The following LRRC56 variants were observed in gnomAD, a reference collection of about 807,000 sequenced individuals.
LRRC56 encodes the protein leucine-rich repeat-containing protein 56.
In LRRC56, 41 loss-of-function variants were observed where a neutral mutation model predicts 47.8. The observed-to-expected ratio is 0.86, with a 90% CI of 0.67 to 1.11. The LOEUF is 1.11. Ranked by LOEUF, LRRC56 falls within the 50% of genes most tolerant of loss-of-function variation. The probability of loss-of-function intolerance (pLI) is 0.00; values close to 1 mark genes in which losing one functional copy is unlikely to be tolerated. For missense variants in LRRC56, 759 were observed against 704.2 expected (o/e 1.08, Z -0.88); for synonymous variants, 387 against 311.2 (o/e 1.24, Z -2.56).
chr11:512,727 C>G, the LRRC56 span, among the ~76,000 whole-genome samples: 6 of 152,178 alleles, frequency 3.9e-5, no homozygotes, highest in Non-Finnish European at 8.8e-5. Context: ...ACTTCCTTTT[C>G]TCAATACTAT....
At chr11:515,033 A>C in the LRRC56 span, among the ~76,000 whole-genome samples, 35 of 152,200 alleles carry the variant, frequency 2.3e-4, no homozygotes, top group African/African-American at 8.4e-4. Context: ...AAAGACTTGA[A>C]AGGGCCACCA....
At position 541,654 on chromosome 11, in the gene LRRC56, C is replaced by T. The variant is rs759516015; in HGVS notation, c.265+30C>T. 1.4e-5 allele frequency: 19 copies of T among 1,315,392 alleles called. No homozygotes were observed. Among genetic ancestry groups the T allele is most frequent in the South Asian group, 4.1e-5 (3 of 73,776 alleles). 81.5% of individuals were successfully genotyped at this position (1,315,392 alleles called of 1,614,324 possible). On this transcript the variant is annotated intron_variant, in intron 5 of 13. Coordinates refer to ENST00000270115, the MANE Select transcript of LRRC56 (RefSeq NM_198075.4). This position sits in a 1 kb window ranked among gnomAD's most constrained non-coding sequence, Gnocchi z 4.1. ...GCCTCTTCCCACCCCGCCATGGCCA[C>T]GGCCACGGCCACGCCTCCCTGTAAA...
At chr11:536,604 T>C (rs898658009), upstream of LRRC56, among the ~76,000 whole-genome samples, 1 of 152,028 alleles carries the variant, frequency 6.6e-6, no homozygotes, top group Non-Finnish European at 1.5e-5. Context: ...ACCCTGTCTC[T>C]ACTAAAAACA....
chr11:554,122 G>C lies in LRRC56; in HGVS notation c.1475G>C (p.Gly492Ala). ...LGSWGPGLGD[G>A]VAAVPVLRAL... ...AGCTGGGGGCCTGGCCTGGGTGATG[G>C]GGTGGCTGCAGTGCCTGTCCTGAGA... Residue 492 changes from glycine (G) to alanine (A), a missense_variant, in exon 14 of 14, where the codon GGG becomes GCG. Gly to Ala is a moderately conservative substitution (Grantham distance 60). Transcript: ENST00000270115. 1 of 1,604,860 alleles carries C rather than the reference G, an allele frequency of 6.2e-7. No individual in the cohort carries two copies. Among genetic ancestry groups the C allele is most frequent in the Non-Finnish European group, 8.5e-7 (1 of 1,177,814 alleles).
the LRRC56 span, among the ~76,000 whole-genome samples, chr11:513,128 G>A: frequency 1.3e-5 from 2 of 152,224 alleles, no homozygotes; most frequent in Non-Finnish European, 2.9e-5. Flanking sequence ...TAACCCTGCC[G>A]CTTCAAGCTG....
At position 550,283 on chromosome 11, in the gene LRRC56, C is replaced by A; in HGVS notation, c.624+11C>A. ...GGCCCCACCAACAAGGTGCGTGTCC[C>A]GGGCACCCGGCCAGCATGTGCATGG... On this transcript the variant is annotated intron_variant, in intron 8 of 13. Transcript: ENST00000270115. 6.5e-7 allele frequency: 1 copy of A among 1,538,442 alleles called. No individual in the cohort carries two copies. Among genetic ancestry groups the A allele is most frequent in the Admixed American group, 2.0e-5 (1 of 50,946 alleles).
At chr11:544,370 A>T (rs1190416373) in intron 5 of LRRC56, among the ~76,000 whole-genome samples, 2 of 152,194 alleles carry the variant, frequency 1.3e-5, no homozygotes, top group East Asian at 3.9e-4. Context: ...GTCCATAGAC[A>T]ATGGTCTGAG....
chr11:534,375 C>G (rs2133995845), upstream of LRRC56: 1 of 1,452,954 alleles, frequency 6.9e-7, no homozygotes. Flanking sequence ...TCCTGCCCCA[C>G]CTGCCAAGGA....
At chr11:519,306 C>T in the LRRC56 span, among the ~76,000 whole-genome samples, 677 of 129,262 alleles carry the variant, frequency 5.2e-3, 6 homozygotes, top group African/African-American at 0.018. Context: ...TATTAGAACG[C>T]GGGCTGATAC....
chr11:507,891 C>T, the LRRC56 span, among the ~76,000 whole-genome samples: 1 of 152,240 alleles, frequency 6.6e-6, no homozygotes, highest in South Asian at 2.1e-4. Context: ...CCCGAGTGTT[C>T]TGAGCGCGGT....
At chr11:551,341 C>A in intron 9 of LRRC56, 39 bp downstream of exon 9, 5 of 1,405,178 alleles carry the variant, frequency 3.6e-6, no homozygotes, top group Non-Finnish European at 4.8e-6. Flanking sequence ...TGCTGAGCCC[C>A]AGCTCCCCCC....
rs1852288012 is a variant in LRRC56 at position 549,940 on chromosome 11, G to A, written c.365G>A (p.Trp122Ter). 6.2e-7 allele frequency: 1 copy of A among 1,612,970 alleles called. No individual in the cohort carries two copies. The highest frequency in any genetic ancestry group is 8.5e-7 in the Non-Finnish European group (1 of 1,179,934). The change falls in exon 7 of 14, where the codon TGG becomes TAG. Residue 122 changes from tryptophan (W) to a stop codon, truncating the protein, a stop_gained. Transcript: ENST00000270115. LOFTEE classifies it high-confidence loss of function. ...GTSLGHLQVL[W>*]LARCGLADLD... Reference sequence around the variant, plus strand: ...TCTCTGGGCCACCTGCAGGTGCTGTGGCTGGCTCGCTGTGGCCTCGCTGAC... The same window carrying A: ...TCTCTGGGCCACCTGCAGGTGCTGTAGCTGGCTCGCTGTGGCCTCGCTGAC...
At chr11:537,728 T>C (rs918490529) in intron 1 of LRRC56, 123 bp downstream of exon 1, 1 of 152,222 alleles carries the variant, frequency 6.6e-6, no homozygotes, top group African/African-American at 2.4e-5. Flanking sequence ...GGGGACCCAG[T>C]GATGGCCCCG....
chr11:515,446 A>G, the LRRC56 span, among the ~76,000 whole-genome samples: 1 of 149,304 alleles, frequency 6.7e-6, no homozygotes, highest in Admixed American at 6.9e-5. Context: ...TCATGCTTTT[A>G]GTGTTTAAGA....
chr11:532,651 C>T (rs1230514063), upstream of LRRC56: 7 of 1,612,416 alleles, frequency 4.3e-6, no homozygotes, highest in Middle Eastern at 1.6e-4. Context: ...AGAGCACACA[C>T]TTGCAGCTCA....
the LRRC56 span, chr11:528,831 C>T: frequency 1.3e-3 from 203 of 153,250 alleles, no homozygotes; most frequent in Non-Finnish European, 1.5e-3. Flanking sequence ...CTGACCTGCG[C>T]GGGGCCCTAT....
chr11:553,083 CG>C (rs1253720294), intron 13 of LRRC56, among the ~76,000 whole-genome samples: 3 of 152,206 alleles, frequency 2.0e-5, no homozygotes, highest in East Asian at 1.9e-4. Context: ...GGCATGAGTC[CG>C]GGGGCTGGGA....
rs373591239 is a variant in LRRC56 at position 549,891 on chromosome 11, G to A, written c.327-11G>A. On this transcript the variant is annotated splice_polypyrimidine_tract_variant and intron_variant, in intron 6 of 13. Transcript: ENST00000270115. ...GGGCACATGTTGACCACCAAACCCTGCCTTCTGCAGGGACTTGGGCACGTC... is the reference window on the plus strand; with the variant it reads ...GGGCACATGTTGACCACCAAACCCTACCTTCTGCAGGGACTTGGGCACGTC... 6.2e-6 allele frequency: 10 copies of A among 1,611,694 alleles called. No homozygotes were observed. The highest frequency in any genetic ancestry group is 4.5e-5 in the East Asian group (2 of 44,876).
the LRRC56 span, among the ~76,000 whole-genome samples, chr11:521,879 C>T: frequency 6.6e-6 from 1 of 151,122 alleles, no homozygotes; most frequent in Non-Finnish European, 1.5e-5. Flanking sequence ...CACGCCACTG[C>T]ACTCCAGCCT....
Sources: gnomAD v4.1 joint callset for allele counts (sites outside exome capture counted in the v4.1 genomes callset) on GRCh38, gnomAD v4.1.1 for gene constraint, Gnocchi (gnomAD v3.1) non-coding constraint, MANE v1.5 for transcripts, NCBI Gene and HGNC (gene_info 2026-07-23, HGNC 2026-07-21) for gene names.